BSN: variants seen among roughly 807,000 people sequenced by gnomAD.
The protein encoded by BSN is bassoon presynaptic cytomatrix protein, also known as protein bassoon.
In BSN, 57 loss-of-function variants were observed where a neutral mutation model predicts 264.8. The observed-to-expected ratio is 0.22, with a 90% confidence interval of 0.17 to 0.27. BSN has a LOEUF of 0.27. Ranked by LOEUF, BSN falls within the 10% of genes least tolerant of loss-of-function variation. The probability of loss-of-function intolerance (pLI) is 1.00; values close to 1 mark genes in which losing one functional copy is unlikely to be tolerated. For synonymous variants in BSN, 2,059 were observed against 2,137.3 expected (o/e 0.96, Z 1.01); for missense variants, 4,615 against 5,232.5 (o/e 0.88, Z 3.64).
In BSN at chr3:49,651,806, C is replaced by G; in HGVS notation, c.2250C>G (p.Ser750=). The G allele has an allele frequency of 1.9e-6, 3 of 1,613,808 alleles. No individual in the cohort carries two copies. Among genetic ancestry groups the G allele is most frequent in the Non-Finnish European group, 2.5e-6 (3 of 1,180,038 alleles). Residue 750 remains serine, a synonymous_variant, in exon 5 of 12, where the codon TCC becomes TCG. Transcript: ENST00000296452. This position sits in a 1 kb window ranked among gnomAD's most constrained non-coding sequence, Gnocchi z 5.4. ...CAAGTGAGCGGAGCAAGCCACTCTCCAGCGGTACTGGCGAGGAGCAGAAGC... is the reference window on the plus strand; with the variant it reads ...CAAGTGAGCGGAGCAAGCCACTCTCGAGCGGTACTGGCGAGGAGCAGAAGC... ...LAPSERSKPL[S]SGTGEEQKQR... is the part of the protein sequence containing the mutation.
intron 1 of BSN, among the ~76,000 whole-genome samples, chr3:49,579,356 T>C (rs1215172860): frequency 6.6e-6 from 1 of 152,120 alleles, no homozygotes; most frequent in Non-Finnish European, 1.5e-5. Flanking sequence ...TTTATCCATT[T>C]ATCAATAAGT....
chr3:49,672,912 T>A (rs6767878), downstream of BSN, among the ~76,000 whole-genome samples: 78,472 of 149,308 alleles, frequency 0.53, 21,730 homozygotes, highest in East Asian at 0.94. Flanking sequence ...CCCGAGTAAC[T>A]GGGACTACAG....
At chr3:49,603,618 A>G (rs2052088684) in intron 1 of BSN, among the ~76,000 whole-genome samples, 1 of 152,190 alleles carries the variant, frequency 6.6e-6, no homozygotes, top group Non-Finnish European at 1.5e-5. Flanking sequence ...ACCTCATGGT[A>G]GGAACAAGGT....
At chr3:49,595,169 G>A (rs1047934921) in intron 1 of BSN, among the ~76,000 whole-genome samples, 45 of 150,136 alleles carry the variant, frequency 3.0e-4, no homozygotes, top group African/African-American at 7.9e-4. Context: ...GATTACAGGC[G>A]TGAGCCACTG....
chr3:49,644,984 G>A (rs1245017479), intron 3 of BSN, among the ~76,000 whole-genome samples: 2 of 152,190 alleles, frequency 1.3e-5, no homozygotes, highest in Non-Finnish European at 2.9e-5. Flanking sequence ...CCTCTCATTA[G>A]CTGCTTGGTT....
At chr3:49,650,573 T>A (rs1182944300) in intron 3 of BSN, 39 bp from the exon 4 acceptor site, 1 of 1,547,684 alleles carries the variant, frequency 6.5e-7, no homozygotes, top group Admixed American at 2.2e-5. Flanking sequence ...TTCAGTGTCT[T>A]TTTAATTTTC....
intron 3 of BSN, among the ~76,000 whole-genome samples, chr3:49,644,277 G>T (rs527878864): frequency 1.3e-5 from 2 of 152,216 alleles, no homozygotes; most frequent in African/African-American, 4.8e-5. Flanking sequence ...TGGCACAGGG[G>T]TGTGCGGAGT....
intron 8 of BSN, among the ~76,000 whole-genome samples, 169 bp downstream of exon 8, chr3:49,664,055 A>G (rs2052690383): frequency 6.6e-6 from 1 of 152,176 alleles, no homozygotes; most frequent in Non-Finnish European, 1.5e-5. Flanking sequence ...TGGGGTTAGA[A>G]TAAGCCAATG....
intron 1 of BSN, among the ~76,000 whole-genome samples, chr3:49,562,882 C>A (rs2051725036): frequency 6.6e-6 from 1 of 152,100 alleles, no homozygotes. Flanking sequence ...TTTAATCAAT[C>A]CTGGCATTGC....
chr3:49,603,586 G>T lies in BSN; in HGVS notation c.225-21389G>T, dbSNP rs976725750. Among the ~76,000 whole-genome samples, 19 of 152,336 alleles carry T rather than the reference G, an allele frequency of 1.2e-4. 1 individual carries two copies. Among genetic ancestry groups the T allele is most frequent in the South Asian group, 6.2e-4 (3 of 4,826 alleles). On this transcript the variant is annotated intron_variant, in intron 1 of 11. Coordinates refer to ENST00000296452, the MANE Select transcript of BSN (RefSeq NM_003458.4). ...GAAGAGGATGAAGGTCTGCAGGTTT[G>T]TGGGTGTGTTAGGTGAAGCCTACCT...
rs895627606 is a variant in BSN, at chr3:49,585,639, C to T, written c.224+30813C>T. Among the ~76,000 whole-genome samples the T allele has an allele frequency of 2.6e-5, 4 of 152,222 alleles. No individual in the cohort carries two copies. Among genetic ancestry groups the T allele is most frequent in the South Asian group, 2.1e-4 (1 of 4,838 alleles). ...TTTCTTCAGCCGCCCCTGGGCGCTG[C>T]GTCTAACCCCAATTTTTAGTTTTTT... On this transcript the variant is annotated intron_variant, in intron 1 of 11. Transcript: ENST00000296452. The surrounding 1 kb of genome is among the most constrained non-coding windows in gnomAD (Gnocchi z 4.7).
In BSN at chr3:49,662,501, A is replaced by G. The variant is rs767825811; in HGVS notation, c.10656A>G (p.Ala3552=). Residue 3552 remains alanine (A), a synonymous_variant, in exon 6 of 12, where the codon GCA becomes GCG. Transcript: ENST00000296452. ...TCAAGGACGGACCTCGGGCCCACGC[A>G]TATAAGCGTGAGGAGGGCTACATCC... ...EHVKDGPRAH[A]YKREEGYILD... is the part of the protein sequence containing the mutation. 1.2e-6 allele frequency: 2 copies of G among 1,612,538 alleles called. No individual in the cohort carries two copies. Among genetic ancestry groups the G allele is most frequent in the Admixed American group, 1.7e-5 (1 of 59,762 alleles).
chr3:49,575,561 T>C (rs1275660756), intron 1 of BSN, among the ~76,000 whole-genome samples: 1 of 147,636 alleles, frequency 6.8e-6, no homozygotes, highest in African/African-American at 2.5e-5. Flanking sequence ...GATGTAAATA[T>C]ATATGCGTAT....
At position 49,663,425 on chromosome 3, in the gene BSN, C is replaced by T; in HGVS notation, c.11267C>T (p.Pro3756Leu). Residue 3756 changes from proline (P) to leucine (L), a missense_variant, in exon 7 of 12, where the codon CCA becomes CTA. Pro to Leu is a moderately conservative substitution (Grantham distance 98). Transcript: ENST00000296452. ...QLQGRQAAPG[P>L]QQSQSPSSRQ... ...CAAGGTCGGCAGGCAGCTCCAGGACCACAGCAGTCACAGTCACCATCATCC... is the reference window on the plus strand; with the variant it reads ...CAAGGTCGGCAGGCAGCTCCAGGACTACAGCAGTCACAGTCACCATCATCC... 6.2e-7 allele frequency: 1 copy of T among 1,612,838 alleles called. No individual in the cohort carries two copies. The highest frequency in any genetic ancestry group is 8.5e-7 in the Non-Finnish European group (1 of 1,179,998).
intron 3 of BSN, among the ~76,000 whole-genome samples, chr3:49,650,186 T>A (rs896138155): frequency 6.6e-6 from 1 of 152,178 alleles, no homozygotes; most frequent in African/African-American, 2.4e-5. Context: ...CAGGAAGTGC[T>A]CCATGCTTGG....
In BSN at chr3:49,655,208, G is replaced by C. The variant is rs760305287; in HGVS notation, c.5652G>C (p.Ala1884=). ...TVTTLLPEEP[A]GALDLTGMRP... ...CCACACTGCTCCCAGAGGAGCCTGC[G>C]GGTGCCCTGGACCTTACCGGGATGA... is the stretch of plus-strand genomic sequence containing the variant. Residue 1884 remains alanine, a synonymous_variant, in exon 5 of 12, where the codon GCG becomes GCC. Transcript: ENST00000296452. 3 of 1,612,950 alleles carry C rather than the reference G, an allele frequency of 1.9e-6. No homozygotes were observed. Among genetic ancestry groups the C allele is most frequent in the Non-Finnish European group, 2.5e-6 (3 of 1,179,904 alleles).
chr3:49,566,906 C>A (rs2051756256), intron 1 of BSN, among the ~76,000 whole-genome samples: 1 of 150,854 alleles, frequency 6.6e-6, no homozygotes, highest in African/African-American at 2.4e-5. Flanking sequence ...ACTAATGATC[C>A]TTAGCTAGAT....
At chr3:49,563,432 A>G (rs987854772) in intron 1 of BSN, among the ~76,000 whole-genome samples, 16 of 152,188 alleles carry the variant, frequency 1.1e-4, no homozygotes, top group African/African-American at 2.9e-4. Context: ...CCAGTGGGCC[A>G]TGATTTCCAG....
chr3:49,610,166 C>T (rs2052194076), intron 1 of BSN, among the ~76,000 whole-genome samples: 1 of 152,194 alleles, frequency 6.6e-6, no homozygotes, highest in Admixed American at 6.5e-5. Flanking sequence ...AGCCCCCAGA[C>T]CACTGACCCC....
Sources: gnomAD v4.1 joint callset for allele counts (sites outside exome capture counted in the v4.1 genomes callset) on GRCh38, gnomAD v4.1.1 for gene constraint, Gnocchi (gnomAD v3.1) non-coding constraint, MANE v1.5 for transcripts, NCBI Gene and HGNC (gene_info 2026-07-23, HGNC 2026-07-21) for gene names.